The following ITK variants were observed in gnomAD, a reference collection of about 807,000 sequenced individuals.
ITK encodes tyrosine-protein kinase ITK/TSK.
Under a neutral mutation model 87.6 loss-of-function variants are expected in ITK, and 45 were observed. The ratio of observed to expected loss-of-function variants is 0.51; its 90% CI spans 0.40 to 0.66. The LOEUF (loss-of-function observed/expected upper bound fraction) is 0.66. Among genes scored for constraint, ITK ranks in the 30% least tolerant of loss-of-function variants. ITK has a pLI of 0.00. For missense variants in ITK, 605 were observed against 766.3 expected (o/e 0.79, Z 2.48); for synonymous variants, 303 against 273.6 (o/e 1.11, Z -1.06).
intron 1 of ITK, among the ~76,000 whole-genome samples, chr5:157,198,544 T>C (rs955703427): frequency 2.6e-5 from 4 of 152,058 alleles, no homozygotes; most frequent in African/African-American, 9.7e-5. Context: ...AAGACAGGTG[T>C]GGGATGGATC....
chr5:157,189,336 C>T (rs1753705880), intron 1 of ITK, among the ~76,000 whole-genome samples: 1 of 152,176 alleles, frequency 6.6e-6, no homozygotes, highest in Non-Finnish European at 1.5e-5. Context: ...CAGAGAAATA[C>T]TATAAACACG....
At chr5:157,210,387 G>A (rs1243903900) in intron 2 of ITK, among the ~76,000 whole-genome samples, 1 of 151,980 alleles carries the variant, frequency 6.6e-6, no homozygotes, top group Non-Finnish European at 1.5e-5. Context: ...TCATGAGTTG[G>A]AATTTTGAGG....
At chr5:157,225,019 G>A (rs74732059) in intron 6 of ITK, among the ~76,000 whole-genome samples, 2,486 of 151,652 alleles carry the variant, frequency 0.016, 27 homozygotes, top group Non-Finnish European at 0.027. Flanking sequence ...TTTTGAGACA[G>A]GGTCTTGCTC....
chr5:157,204,043 T>C (rs1754028508), intron 1 of ITK, among the ~76,000 whole-genome samples: 1 of 152,180 alleles, frequency 6.6e-6, no homozygotes, highest in Admixed American at 6.5e-5. Context: ...TCCTGCTCTG[T>C]CACCCAGGCT....
At chr5:157,217,821 T>C (rs1561655644) in intron 4 of ITK, 46 bp from the exon 5 acceptor site, 2 of 1,574,894 alleles carry the variant, frequency 1.3e-6, no homozygotes, top group Middle Eastern at 1.7e-4. Flanking sequence ...GTTGGGTCCA[T>C]TAGTTTTCAT....
chr5:157,248,960 C>A lies in ITK; in HGVS notation c.1744C>A (p.Leu582Met). ...STGFRLYKPR[L>M]ASTHVYQIMN... ...CGGATTTCGGTTGTACAAGCCCCGGCTGGCCTCCACACACGTCTACCAGAT... is the reference window on the plus strand; with the variant it reads ...CGGATTTCGGTTGTACAAGCCCCGGATGGCCTCCACACACGTCTACCAGAT... The change falls in exon 16 of 17, where the codon CTG becomes ATG. Residue 582 changes from leucine to methionine, a missense_variant. By Grantham distance (15) the Leu-to-Met change is conservative. Transcript: ENST00000422843. The A allele has an allele frequency of 1.2e-6, 2 of 1,613,914 alleles. No individual in the cohort carries two copies. Among genetic ancestry groups the A allele is most frequent in the Non-Finnish European group, 1.7e-6 (2 of 1,179,794 alleles).
chr5:157,201,451 C>T (rs1457586936), intron 1 of ITK, among the ~76,000 whole-genome samples: 1 of 151,996 alleles, frequency 6.6e-6, no homozygotes. Flanking sequence ...ATGCGTACCA[C>T]CATGCCTGGC....
chr5:157,214,860 C>T (rs1035134235), intron 4 of ITK, among the ~76,000 whole-genome samples: 3 of 152,090 alleles, frequency 2.0e-5, no homozygotes, highest in Non-Finnish European at 4.4e-5. Context: ...TCTGTGATTT[C>T]TCCTTGCCTC....
At chr5:157,221,616 C>T (rs1350213904) in intron 5 of ITK, among the ~76,000 whole-genome samples, 1 of 152,126 alleles carries the variant, frequency 6.6e-6, no homozygotes, top group Non-Finnish European at 1.5e-5. Context: ...GTCCAGTGTG[C>T]CCCTACAGAA....
chr5:157,212,708 C>T (rs142803401), intron 3 of ITK, among the ~76,000 whole-genome samples: 2 of 152,154 alleles, frequency 1.3e-5, no homozygotes, highest in East Asian at 3.9e-4. Context: ...AAACATTAGG[C>T]AGGCATGGTG....
At chr5:157,233,698 A>G (rs926933051) in intron 8 of ITK, among the ~76,000 whole-genome samples, 2 of 151,964 alleles carry the variant, frequency 1.3e-5, no homozygotes, top group Non-Finnish European at 2.9e-5. Flanking sequence ...ATTAATATGA[A>G]CTAATTGAGT....
intron 7 of ITK, among the ~76,000 whole-genome samples, chr5:157,228,947 A>G (rs1754591386): frequency 6.6e-6 from 1 of 152,204 alleles, no homozygotes; most frequent in Non-Finnish European, 1.5e-5. Context: ...TGGGCGTGTC[A>G]GATGAGCACA....
At chr5:157,198,055 C>T (rs183482518) in intron 1 of ITK, among the ~76,000 whole-genome samples, 10 of 151,164 alleles carry the variant, frequency 6.6e-5, no homozygotes, top group East Asian at 3.9e-4. Flanking sequence ...GAGGCCAAGG[C>T]GGGTGGATTG....
At chr5:157,221,646 G>T (rs1754416661) in intron 5 of ITK, among the ~76,000 whole-genome samples, 1 of 152,082 alleles carries the variant, frequency 6.6e-6, no homozygotes, top group African/African-American at 2.4e-5. Flanking sequence ...CATAATTTGA[G>T]GGCCCTGCTC....
At chr5:157,222,692 T>C (rs1754443723) in intron 5 of ITK, 171 bp from the exon 6 acceptor site, 1 of 663,594 alleles carries the variant, frequency 1.5e-6, no homozygotes, top group South Asian at 1.7e-5. Context: ...ATGAGCAATG[T>C]GATGAATTCC....
Position 157,253,675 on chromosome 5 carries a change from A to G in ITK, c.*997A>G, listed in dbSNP as rs27988. The G allele has an allele frequency of 0.89, 199,845 of 224,142 alleles. 90,135 individuals are homozygous for G. The highest frequency in any genetic ancestry group is 0.98 in the African/African-American group (44,081 of 44,946). 13.9% of individuals were successfully genotyped at this position (224,142 alleles called of 1,614,324 possible). A position where few individuals can be genotyped will look rare whatever the true frequency, so the allele number is the denominator to read the frequency against. On this transcript the variant is annotated 3_prime_UTR_variant, in exon 17 of 17. Coordinates refer to ENST00000422843, the MANE Select transcript of ITK (RefSeq NM_005546.4). ...ACAGAGGGCAGCATTGTGTTGGTCA[A>G]TGTTCCCTTGGCGAGCAATTGAAAC... is the stretch of plus-strand genomic sequence containing the variant.
chr5:157,252,555 C>A, intron 16 of ITK, 52 bp from the exon 17 acceptor site: 2 of 1,364,562 alleles, frequency 1.5e-6, no homozygotes, highest in Non-Finnish European at 2.1e-6. Context: ...TTTGGATTTA[C>A]CTATGACGCA....
intron 1 of ITK, among the ~76,000 whole-genome samples, chr5:157,201,444 C>T (rs535137991): frequency 2.6e-5 from 4 of 151,816 alleles, no homozygotes; most frequent in Middle Eastern, 3.4e-3. Context: ...ATTACAGATG[C>T]GTACCACCAT....
intron 4 of ITK, among the ~76,000 whole-genome samples, chr5:157,216,302 A>G (rs1361469664): frequency 6.6e-6 from 1 of 152,162 alleles, no homozygotes; most frequent in African/African-American, 2.4e-5. Flanking sequence ...GGCTTTGGAT[A>G]ATCCCTCTGA....
Sources: gnomAD v4.1 joint callset for allele counts (sites outside exome capture counted in the v4.1 genomes callset) on GRCh38, gnomAD v4.1.1 for gene constraint, MANE v1.5 for transcripts, NCBI Gene and HGNC (gene_info 2026-07-23, HGNC 2026-07-21) for gene names.